The following KNTC1 variants were observed in gnomAD, a reference collection of about 807,000 sequenced individuals.
The protein encoded by KNTC1 is kinetochore-associated protein 1.
KNTC1 carries 253 observed loss-of-function variants against 314.4 expected under a neutral mutation model. That is an observed-to-expected ratio of 0.80 (90% confidence interval 0.73 to 0.89). The LOEUF is 0.89. Ranked by LOEUF, KNTC1 falls within the 40% of genes least tolerant of loss-of-function variation. The pLI is 0.00. For missense variants in KNTC1, 2,475 were observed against 2,572.9 expected (o/e 0.96, Z 0.82); for synonymous variants, 901 against 901.4 (o/e 1.00, Z 0.01).
In KNTC1 at chr12:122,601,561, T is replaced by C; in HGVS notation, c.4589T>C (p.Ile1530Thr). The change falls in exon 45 of 64, where the codon ATT becomes ACT. Residue 1530 changes from isoleucine to threonine, a missense_variant. Physicochemically the swap from Ile to Thr is moderately conservative, Grantham distance 89. Coordinates refer to ENST00000333479, the MANE Select transcript of KNTC1 (RefSeq NM_014708.6). The part of the protein sequence containing the change: ...HKLDPYDYEM[I>T]EVVLKVIERA... ...TTGGATCCTTATGACTATGAAATGA[T>C]TGAAGTTGTCTTGAAAGTTATAGAA... 1 of 1,539,622 alleles carries C rather than the reference T, an allele frequency of 6.5e-7. No individual in the cohort carries two copies. Among genetic ancestry groups the C allele is most frequent in the Non-Finnish European group, 8.7e-7 (1 of 1,142,960 alleles).
At chr12:122,611,917 A>AT (rs11372194) in intron 53 of KNTC1, among the ~76,000 whole-genome samples, 22,979 of 146,014 alleles carry the variant, frequency 0.16, 2,328 homozygotes, top group African/African-American at 0.3. Context: ...AACTTTGTGG[A>AT]TTTTTTTTTT....
In KNTC1 at chr12:122,557,422, A is replaced by G. The variant is rs919025099; in HGVS notation, c.1311A>G (p.Lys437=). The G allele has an allele frequency of 1.2e-5, 20 of 1,613,648 alleles. No homozygotes were observed. The highest frequency in any genetic ancestry group is 1.4e-5 in the Non-Finnish European group (17 of 1,179,792). The change falls in exon 17 of 64, where the codon AAA becomes AAG. Residue 437 remains lysine (K), a synonymous_variant. Transcript: ENST00000333479. Reference sequence around the variant, plus strand: ...TCAAGTCAAATCATATATTGGAGAAACTGGCATTGAGTTCTGTGGATGCCA... The same window carrying G: ...TCAAGTCAAATCATATATTGGAGAAGCTGGCATTGAGTTCTGTGGATGCCA... ...YKVKSNHILE[K]LALSSVDASE...
At chr12:122,541,749 A>G (rs975135776) in intron 5 of KNTC1, among the ~76,000 whole-genome samples, 2 of 151,910 alleles carry the variant, frequency 1.3e-5, no homozygotes, top group Non-Finnish European at 2.9e-5. Context: ...AGCCGTGAGC[A>G]GTGGCTCAGG....
At chr12:122,532,706 A>G (rs1404886311) in intron 2 of KNTC1, among the ~76,000 whole-genome samples, 2 of 152,212 alleles carry the variant, frequency 1.3e-5, no homozygotes, top group African/African-American at 4.8e-5. Context: ...TGAGCCCAAT[A>G]TTAGGAACTT....
chr12:122,534,645 A>C lies in KNTC1; in HGVS notation c.130-19A>C, dbSNP rs778283455. On this transcript the variant is annotated intron_variant, in intron 2 of 63. Coordinates refer to ENST00000333479, the MANE Select transcript of KNTC1 (RefSeq NM_014708.6). ...ATATAAAAATGTTTGAATTTTCATC[A>C]TGCTTTTCTCTCCCACAGGCCTCAT... The C allele has an allele frequency of 6.3e-7, 1 of 1,591,914 alleles. No homozygotes were observed. Among genetic ancestry groups the C allele is most frequent in the Non-Finnish European group, 8.6e-7 (1 of 1,167,046 alleles).
chr12:122,578,609 C>T (rs908811911), intron 31 of KNTC1, among the ~76,000 whole-genome samples: 7 of 151,646 alleles, frequency 4.6e-5, no homozygotes, highest in South Asian at 2.1e-4. Context: ...TTACTAGAGA[C>T]GGGTTTCACC....
chr12:122,598,815 T>G (rs1207923960), intron 44 of KNTC1, among the ~76,000 whole-genome samples: 2 of 144,040 alleles, frequency 1.4e-5, no homozygotes, highest in African/African-American at 5.3e-5. Flanking sequence ...CATTTAAACT[T>G]TTTTTTTTTT....
chr12:122,587,926 G>T (rs1565990412), intron 39 of KNTC1, 52 bp downstream of exon 39: 1 of 1,484,588 alleles, frequency 6.7e-7, no homozygotes, highest in Admixed American at 2.1e-5. Context: ...AGATGTAAAA[G>T]CGCTAACAGA....
At chr12:122,618,629 A>C in intron 59 of KNTC1, 84 bp downstream of exon 59, 3 of 1,012,688 alleles carry the variant, frequency 3.0e-6, no homozygotes, top group Non-Finnish European at 4.5e-6. Flanking sequence ...CTAATGAGTA[A>C]TTCCTTTTTG....
intron 51 of KNTC1, among the ~76,000 whole-genome samples, chr12:122,608,611 A>G (rs1029489335): frequency 7.9e-5 from 12 of 152,218 alleles, no homozygotes; most frequent in Admixed American, 1.3e-4. Flanking sequence ...TTTAACTTAC[A>G]TGTAAGTTCA....
chr12:122,608,870 C>G (rs1872801185), intron 51 of KNTC1, among the ~76,000 whole-genome samples: 1 of 152,018 alleles, frequency 6.6e-6, no homozygotes, highest in Non-Finnish European at 1.5e-5. Context: ...CCAGCCTGAG[C>G]AGCATAGTGA....
In KNTC1 at chr12:122,582,688, G is replaced by A; in HGVS notation, c.2983-17G>A. On this transcript the variant is annotated splice_polypyrimidine_tract_variant and intron_variant, in intron 33 of 63. Transcript: ENST00000333479. ...TTAAACAGACTTGGGACTTTGTCTT[G>A]CTTACCTTTGCTACAGGAGAACTTT... The A allele has an allele frequency of 1.9e-6, 3 of 1,569,446 alleles. No individual in the cohort carries two copies. The highest frequency in any genetic ancestry group is 1.2e-5 in the South Asian group (1 of 86,154).
intron 44 of KNTC1, 54 bp downstream of exon 44, chr12:122,597,992 A>G: frequency 7.6e-7 from 1 of 1,318,596 alleles, no homozygotes; most frequent in Non-Finnish European, 1.1e-6. Context: ...CCCACCCTTA[A>G]TAATTAGATA....
At chr12:122,596,245 G>T (rs980835790) in intron 43 of KNTC1, among the ~76,000 whole-genome samples, 2 of 151,898 alleles carry the variant, frequency 1.3e-5, no homozygotes, top group Non-Finnish European at 2.9e-5. Context: ...ACCATGCCGG[G>T]TTAATTATTT....
chr12:122,618,751 C>T (rs1006331778), intron 59 of KNTC1, among the ~76,000 whole-genome samples: 3 of 152,022 alleles, frequency 2.0e-5, no homozygotes, highest in African/African-American at 7.2e-5. Context: ...TCACTGCACC[C>T]TCCACCTCCC....
chr12:122,583,615 C>A (rs1014223380), intron 34 of KNTC1, among the ~76,000 whole-genome samples: 1 of 152,030 alleles, frequency 6.6e-6, no homozygotes, highest in South Asian at 2.1e-4. Context: ...CACTTGAGGT[C>A]AGGAGTTCAA....
intron 57 of KNTC1, among the ~76,000 whole-genome samples, chr12:122,617,675 T>C (rs1445771792): frequency 6.6e-6 from 1 of 152,184 alleles, no homozygotes; most frequent in Non-Finnish European, 1.5e-5. Flanking sequence ...TCAGCAAGGA[T>C]TGTATAATGA....
intron 30 of KNTC1, 87 bp from the exon 31 acceptor site, chr12:122,577,585 A>G (rs879360302): frequency 8.8e-6 from 11 of 1,251,114 alleles, no homozygotes; most frequent in Non-Finnish European, 1.1e-5. Context: ...ATGTATTTTC[A>G]TCTTTAAATA....
At chr12:122,603,490 A>G (rs1431510665) in intron 48 of KNTC1, among the ~76,000 whole-genome samples, 4 of 151,298 alleles carry the variant, frequency 2.6e-5, no homozygotes, top group East Asian at 3.9e-4. Context: ...TTAATATCCA[A>G]TCACACTTTC....
Sources: gnomAD v4.1 joint callset for allele counts (sites outside exome capture counted in the v4.1 genomes callset) on GRCh38, gnomAD v4.1.1 for gene constraint, MANE v1.5 for transcripts, NCBI Gene and HGNC (gene_info 2026-07-23, HGNC 2026-07-21) for gene names.